CTNND2: variants seen among roughly 807,000 people sequenced by gnomAD.
CTNND2 encodes the protein catenin delta-2.
Under a neutral mutation model 144.4 loss-of-function variants are expected in CTNND2, and 22 were observed. The observed-to-expected ratio is 0.15, with a 90% CI of 0.11 to 0.22. CTNND2 has a LOEUF of 0.22. Among genes scored for constraint, CTNND2 ranks in the 10% least tolerant of loss-of-function variants. The pLI is 1.00. For missense variants in CTNND2, 1,353 were observed against 1,618.8 expected (o/e 0.84, Z 2.82); for synonymous variants, 751 against 695.6 (o/e 1.08, Z -1.25).
intron 5 of CTNND2, among the ~76,000 whole-genome samples, chr5:11,401,926 T>C (rs1161935679): frequency 6.6e-6 from 1 of 152,196 alleles, no homozygotes; most frequent in East Asian, 1.9e-4. Flanking sequence ...TAAATATCAG[T>C]TATTATTATC....
chr5:11,250,491 C>CTCTCTCTATATATATATA (rs869141186), intron 9 of CTNND2, among the ~76,000 whole-genome samples: 199 of 64,048 alleles, frequency 3.1e-3, no homozygotes, highest in South Asian at 4.4e-3. Flanking sequence ...CTCTCTCTCT[C>CTCTCTCTATATATATATA]TATATATATA....
rs374534448 is a variant in CTNND2, at chr5:11,142,213, T to C, written c.2159+17363A>G. On this transcript the variant is annotated intron_variant, in intron 12 of 21. Transcript: ENST00000304623. ...TCAAATAGATGATAACTTGCTCAAA[T>C]GAAAAGGAGACAGAAGGACTAAATG... Among the ~76,000 whole-genome samples, 11 of 152,240 alleles carry C rather than the reference T, an allele frequency of 7.2e-5. 1 individual carries two copies. The highest frequency in any genetic ancestry group is 2.6e-4 in the African/African-American group (11 of 41,532).
At chr5:11,759,484 T>C (rs2126802165) in intron 1 of CTNND2, among the ~76,000 whole-genome samples, 1 of 152,240 alleles carries the variant, frequency 6.6e-6, no homozygotes, top group East Asian at 1.9e-4. Context: ...GTTATACAGA[T>C]TTTTGTTAGA....
intron 2 of CTNND2, among the ~76,000 whole-genome samples, chr5:11,726,878 A>G (rs539972509): frequency 2.6e-5 from 4 of 152,348 alleles, no homozygotes; most frequent in East Asian, 3.9e-4. Context: ...AGATAGGTAT[A>G]TAAGTGTCCT....
chr5:11,385,433 C>G (rs964105679), intron 6 of CTNND2, among the ~76,000 whole-genome samples: 2 of 152,168 alleles, frequency 1.3e-5, no homozygotes, highest in Non-Finnish European at 2.9e-5. Context: ...GACACTGGCA[C>G]AGGCCAGCTG....
At chr5:11,272,339 T>C (rs1021581685) in intron 9 of CTNND2, among the ~76,000 whole-genome samples, 1 of 152,230 alleles carries the variant, frequency 6.6e-6, no homozygotes, top group African/African-American at 2.4e-5. Flanking sequence ...TAGAGGCATT[T>C]GACAACATTC....
intron 2 of CTNND2, among the ~76,000 whole-genome samples, chr5:11,593,947 T>C (rs150952389): frequency 2.6e-5 from 4 of 152,312 alleles, no homozygotes; most frequent in East Asian, 3.9e-4. Flanking sequence ...TTGGGTGTTA[T>C]TGGAACTTTC....
chr5:11,473,542 C>G (rs530998745), intron 3 of CTNND2, among the ~76,000 whole-genome samples: 4 of 152,180 alleles, frequency 2.6e-5, no homozygotes, highest in Non-Finnish European at 5.9e-5. Flanking sequence ...CAGGTTTTCT[C>G]TCACTGGTGC....
intron 9 of CTNND2, among the ~76,000 whole-genome samples, chr5:11,260,275 T>C (rs915968606): frequency 2.4e-4 from 37 of 152,200 alleles, no homozygotes; most frequent in African/African-American, 8.9e-4. Context: ...TAGACCTCTT[T>C]GGAAGATCCT....
intron 3 of CTNND2, among the ~76,000 whole-genome samples, chr5:11,527,309 A>G (rs1303348693): frequency 6.6e-6 from 1 of 152,224 alleles, no homozygotes; most frequent in Non-Finnish European, 1.5e-5. Flanking sequence ...AGGCCTACAA[A>G]TGGCAGAGTG....
chr5:11,732,294 T>A, intron 1 of CTNND2, 22 bp from the exon 2 acceptor site: 1 of 1,607,472 alleles, frequency 6.2e-7, no homozygotes, highest in Non-Finnish European at 8.5e-7. Context: ...GAGGACATGA[T>A]CAATACAATC....
At chr5:11,902,329 A>T (rs4702839) in intron 1 of CTNND2, among the ~76,000 whole-genome samples, 1 of 152,218 alleles carries the variant, frequency 6.6e-6, no homozygotes, top group African/African-American at 2.4e-5. Context: ...GCCCCTATAT[A>T]TCACACGTCT....
chr5:11,575,533 A>C (rs1196139342), intron 2 of CTNND2, among the ~76,000 whole-genome samples: 1 of 152,166 alleles, frequency 6.6e-6, no homozygotes, highest in Non-Finnish European at 1.5e-5. Flanking sequence ...CGTTTTAGGA[A>C]TAATGTTTTT....
intron 3 of CTNND2, among the ~76,000 whole-genome samples, chr5:11,527,242 TA>T (rs566738264): frequency 3.4e-4 from 51 of 150,662 alleles, no homozygotes; most frequent in Non-Finnish European, 5.9e-4. Context: ...TTTACCACAA[TA>T]AAAAAAAAGA....
rs764637538 is a variant in CTNND2, at chr5:11,836,536, C to CA, written c.37+67280dup. On this transcript the variant is annotated intron_variant, in intron 1 of 21. Coordinates refer to ENST00000304623, the MANE Select transcript of CTNND2 (RefSeq NM_001332.4). Reference sequence around the variant, plus strand: ...ATACCACTAAAAGGAGCCAAACTACCAAAAAAAAAAAAAGATTCCATTAGC... The same window carrying CA: ...ATACCACTAAAAGGAGCCAAACTACCAAAAAAAAAAAAAAGATTCCATTAGC... 2.8e-3 allele frequency among the ~76,000 whole-genome samples: 371 copies of CA among 130,224 alleles called. 1 individual carries two copies. Among genetic ancestry groups the CA allele is most frequent in the East Asian group, 5.4e-3 (24 of 4,472 alleles). 85.4% of individuals were successfully genotyped at this position (130,224 alleles called of 152,430 possible). A position where few individuals can be genotyped will look rare whatever the true frequency, so the allele number is the denominator to read the frequency against.
chr5:11,622,402 A>T (rs902763030), intron 2 of CTNND2, among the ~76,000 whole-genome samples: 1 of 152,180 alleles, frequency 6.6e-6, no homozygotes, highest in African/African-American at 2.4e-5. Flanking sequence ...GCATGCAACT[A>T]CATATAATAG....
chr5:11,437,662 T>C (rs61755480), intron 3 of CTNND2, among the ~76,000 whole-genome samples: 4,183 of 152,194 alleles, frequency 0.027, 199 homozygotes, highest in African/African-American at 0.093. Flanking sequence ...AAGAGTAAGT[T>C]TGGGACAGAG....
chr5:11,009,303 G>T (rs1158999546), intron 18 of CTNND2, among the ~76,000 whole-genome samples: 1 of 152,180 alleles, frequency 6.6e-6, no homozygotes, highest in Non-Finnish European at 1.5e-5. Flanking sequence ...AACCAAGATG[G>T]TCAGGTTCTG....
rs989483775 is a variant in CTNND2 at position 11,275,793 on chromosome 5, C to T, written c.1629-38970G>A. Among the ~76,000 whole-genome samples the T allele has an allele frequency of 1.1e-4, 16 of 152,252 alleles. 1 individual carries two copies. The highest frequency in any genetic ancestry group is 5.9e-4 in the Admixed American group (9 of 15,282). On this transcript the variant is annotated intron_variant, in intron 9 of 21. Transcript: ENST00000304623. ...AAATTAATCAGGATTCTATTTTGTG[C>T]CAATCCATGGGGGAAGGTACTGAGT... is the stretch of plus-strand genomic sequence containing the variant.
Sources: gnomAD v4.1 joint callset for allele counts (sites outside exome capture counted in the v4.1 genomes callset) on GRCh38, gnomAD v4.1.1 for gene constraint, MANE v1.5 for transcripts, NCBI Gene and HGNC (gene_info 2026-07-23, HGNC 2026-07-21) for gene names.